Variants in MRPS9 observed in about 807,000 individuals in gnomAD.
MRPS9 encodes the protein small ribosomal subunit protein uS9m.
MRPS9 carries 45 observed loss-of-function variants against 59.9 expected under a neutral mutation model. The ratio of observed to expected loss-of-function variants is 0.75; its 90% CI spans 0.59 to 0.96. The LOEUF (loss-of-function observed/expected upper bound fraction) is 0.96. Ranked by LOEUF, MRPS9 falls within the 40% of genes least tolerant of loss-of-function variation. The pLI is 0.00. For synonymous variants in MRPS9, 171 were observed against 166.8 expected (o/e 1.03, Z -0.19); for missense variants, 473 against 481.1 (o/e 0.98, Z 0.16).
intron 5 of MRPS9, among the ~76,000 whole-genome samples, chr2:105,082,024 G>A (rs1368851349): frequency 6.6e-6 from 1 of 152,150 alleles, no homozygotes; most frequent in African/African-American, 2.4e-5. Flanking sequence ...GCCAGGCACT[G>A]CGTAGAAAGT....
intron 5 of MRPS9, among the ~76,000 whole-genome samples, chr2:105,083,374 T>C (rs7574096): frequency 0.75 from 113,885 of 152,104 alleles, 43,149 homozygotes; most frequent in African/African-American, 0.87. Context: ...CCTCCTTTCC[T>C]GCAGCAGCTT....
rs372387323 is a variant in MRPS9, at chr2:105,088,901, G to A, written c.490-83G>A. On this transcript the variant is annotated intron_variant, in intron 5 of 10. Coordinates refer to ENST00000258455, the MANE Select transcript of MRPS9 (RefSeq NM_182640.3). Reference sequence around the variant, plus strand: ...AGGACACCTTAGGAAGTACTTACAGGAGAAAACTATAAAATATATCAGAAG... The same window carrying A: ...AGGACACCTTAGGAAGTACTTACAGAAGAAAACTATAAAATATATCAGAAG... 3.1e-4 allele frequency: 284 copies of A among 926,572 alleles called. 6 individuals are homozygous for A. In the South Asian group the frequency reaches 6.1e-3, roughly 20 times the overall value. 57.4% of individuals were successfully genotyped at this position (926,572 alleles called of 1,614,324 possible).
Position 105,099,911 on chromosome 2 carries a change from G to A in MRPS9, c.*150G>A. On this transcript the variant is annotated 3_prime_UTR_variant, in exon 11 of 11. Transcript: ENST00000258455. ...TGGATTTATTTTTAAATGCTACTTT[G>A]TAAAGGTGACCTTTAAAAAATAAAA... is the stretch of plus-strand genomic sequence containing the variant. The A allele has an allele frequency of 1.9e-6, 1 of 533,390 alleles. No homozygotes were observed. The highest frequency in any genetic ancestry group is 3.6e-5 in the South Asian group (1 of 28,064). The allele number at this position is 533,390 out of a possible 1,614,324, so 33.0% of individuals were successfully genotyped here. A position where few individuals can be genotyped will look rare whatever the true frequency, so the allele number is the denominator to read the frequency against.
intron 1 of MRPS9, among the ~76,000 whole-genome samples, chr2:105,045,458 T>C (rs963378131): frequency 1.3e-4 from 20 of 151,714 alleles, no homozygotes; most frequent in African/African-American, 4.8e-4. Flanking sequence ...GTAACTTGGG[T>C]ATTCTCATCT....
rs1474411808 is a variant in MRPS9, at chr2:105,067,766, G to GTGTGCGTGTGCATGCACATGAA, written c.316-3541_316-3520dup. Reference sequence around the variant, plus strand: ...TGTGTGTGTGTGTGTATGTGTACATGTGTGCGTGTGCATGCACATGAATGT... The same window carrying GTGTGCGTGTGCATGCACATGAA: ...TGTGTGTGTGTGTGTATGTGTACATGTGTGCGTGTGCATGCACATGAATGTGCGTGTGCATGCACATGAATGT... On this transcript the variant is annotated intron_variant, in intron 2 of 10. Transcript: ENST00000258455. Among the ~76,000 whole-genome samples, 8 of 152,262 alleles carry GTGTGCGTGTGCATGCACATGAA rather than the reference G, an allele frequency of 5.3e-5. No individual in the cohort carries two copies. In the East Asian group the frequency reaches 1.5e-3, roughly 29 times the overall value.
At chr2:105,063,668 C>T (rs113165387) in intron 2 of MRPS9, among the ~76,000 whole-genome samples, 2,045 of 152,214 alleles carry the variant, frequency 0.013, 49 homozygotes, top group African/African-American at 0.047. Context: ...CTTATATAAC[C>T]GCAATATCAC....
chr2:105,093,695 A>G (rs1395250414), intron 9 of MRPS9, 57 bp downstream of exon 9: 8 of 796,610 alleles, frequency 1.0e-5, no homozygotes, highest in Non-Finnish European at 1.2e-5. Context: ...ATAATACATC[A>G]TGATCATTTA....
intron 2 of MRPS9, among the ~76,000 whole-genome samples, chr2:105,063,505 A>C (rs1309877351): frequency 6.6e-6 from 1 of 152,196 alleles, no homozygotes; most frequent in East Asian, 1.9e-4. Context: ...GAAAAAGAGA[A>C]TGTCTGTCAC....
intron 2 of MRPS9, among the ~76,000 whole-genome samples, chr2:105,071,110 T>C (rs554315423): frequency 3.3e-5 from 5 of 152,362 alleles, no homozygotes; most frequent in Admixed American, 6.5e-5. Flanking sequence ...CACTTGAAAA[T>C]TGTCAATAAC....
At chr2:105,062,346 A>T (rs914228980) in intron 2 of MRPS9, among the ~76,000 whole-genome samples, 1 of 152,200 alleles carries the variant, frequency 6.6e-6, no homozygotes, top group Admixed American at 6.6e-5. Flanking sequence ...GTGTTAAGAG[A>T]TGTCAGGAAA....
intron 4 of MRPS9, among the ~76,000 whole-genome samples, chr2:105,074,033 A>G (rs541145827): frequency 7.2e-5 from 11 of 152,324 alleles, no homozygotes; most frequent in African/African-American, 1.7e-4. Context: ...AAATCATATC[A>G]TTCGATTTTT....
chr2:105,069,529 A>G (rs570048683), intron 2 of MRPS9, among the ~76,000 whole-genome samples: 3 of 152,162 alleles, frequency 2.0e-5, no homozygotes, highest in Non-Finnish European at 4.4e-5. Flanking sequence ...TCTTTTTTAA[A>G]AAGTTACTTA....
At chr2:105,040,967 G>A (rs1430678901) in intron 1 of MRPS9, among the ~76,000 whole-genome samples, 1 of 152,152 alleles carries the variant, frequency 6.6e-6, no homozygotes, top group African/African-American at 2.4e-5. Context: ...GTGCATAAGG[G>A]TATAGAGATG....
chr2:105,039,055 G>A lies in MRPS9; in HGVS notation c.135+828G>A, dbSNP rs147035714. ...GTAGGCAGAGGGACAGGGCCCTGAA[G>A]GACAAATAAGAAATAAGAGGCCTCA... On this transcript the variant is annotated intron_variant, in intron 1 of 10. Coordinates refer to ENST00000258455, the MANE Select transcript of MRPS9 (RefSeq NM_182640.3). 4.1e-4 allele frequency among the ~76,000 whole-genome samples: 63 copies of A among 152,012 alleles called. No homozygotes were observed. In the East Asian group the frequency reaches 0.012, roughly 29 times the overall value.
chr2:105,091,663 C>T (rs550022484), intron 7 of MRPS9, among the ~76,000 whole-genome samples: 2 of 152,250 alleles, frequency 1.3e-5, no homozygotes, highest in African/African-American at 4.8e-5. Context: ...GTTTCACAAT[C>T]CATATTAACT....
At chr2:105,063,189 G>A (rs1242184657) in intron 2 of MRPS9, among the ~76,000 whole-genome samples, 1 of 152,178 alleles carries the variant, frequency 6.6e-6, no homozygotes, top group African/African-American at 2.4e-5. Context: ...AGGATTTCTT[G>A]AGCCCAGGAG....
intron 2 of MRPS9, among the ~76,000 whole-genome samples, chr2:105,053,628 G>A (rs1015713800): frequency 2.0e-5 from 3 of 152,176 alleles, no homozygotes; most frequent in African/African-American, 7.2e-5. Context: ...CTGTAGCTTA[G>A]TGAATACATT....
intron 2 of MRPS9, among the ~76,000 whole-genome samples, chr2:105,061,640 C>A (rs1168117188): frequency 1.3e-5 from 2 of 152,174 alleles, no homozygotes; most frequent in Admixed American, 1.3e-4. Flanking sequence ...CATTCCTCCC[C>A]ACCATCCCTG....
At chr2:105,067,232 T>A (rs79504222) in intron 2 of MRPS9, among the ~76,000 whole-genome samples, 2,687 of 152,302 alleles carry the variant, frequency 0.018, 81 homozygotes, top group African/African-American at 0.062. Flanking sequence ...GAAAATTTCC[T>A]CAGTTTTCCC....
Sources: gnomAD v4.1 joint callset for allele counts (sites outside exome capture counted in the v4.1 genomes callset) on GRCh38, gnomAD v4.1.1 for gene constraint, MANE v1.5 for transcripts, NCBI Gene and HGNC (gene_info 2026-07-23, HGNC 2026-07-21) for gene names.